The following ITPR1 variants were observed in gnomAD, a reference collection of about 807,000 sequenced individuals.
ITPR1 encodes inositol 1,4,5-trisphosphate receptor type 1.
Under a neutral mutation model 318.4 loss-of-function variants are expected in ITPR1, and 96 were observed. That is an observed-to-expected ratio of 0.30 (90% CI 0.26 to 0.36). The LOEUF (loss-of-function observed/expected upper bound fraction) is 0.36, where lower values mean the gene tolerates loss of function less well. ITPR1 is among the 10% of genes least tolerant of loss of function. The probability of loss-of-function intolerance (pLI) is 1.00; values close to 1 mark genes in which losing one functional copy is unlikely to be tolerated. For missense variants in ITPR1, 2,440 were observed against 3,460.2 expected (o/e 0.71, Z 7.40); for synonymous variants, 1,312 against 1,289.9 (o/e 1.02, Z -0.37).
chr3:4,555,023 C>T (rs143670148), intron 4 of ITPR1, among the ~76,000 whole-genome samples: 24 of 152,188 alleles, frequency 1.6e-4, no homozygotes, highest in Non-Finnish European at 2.6e-4. Flanking sequence ...GAACTGTACC[C>T]GCGGAATGTG....
intron 60 of ITPR1, among the ~76,000 whole-genome samples, chr3:4,835,995 C>T (rs1250070466): frequency 6.6e-6 from 1 of 152,156 alleles, no homozygotes; most frequent in Non-Finnish European, 1.5e-5. Flanking sequence ...TCTATAAGCT[C>T]ATAAACGGGG....
intron 34 of ITPR1, 104 bp downstream of exon 34, chr3:4,697,376 G>T: frequency 9.4e-7 from 1 of 1,063,178 alleles, no homozygotes; most frequent in Non-Finnish European, 1.3e-6. Context: ...CACACATGAA[G>T]AAAACAGCTG....
At position 4,806,326 on chromosome 3, in the gene ITPR1, C is replaced by T. The variant is rs114241298; in HGVS notation, c.7272+59C>T. 5.2e-4 allele frequency: 775 copies of T among 1,476,948 alleles called. 6 individuals carry two copies. In the African/African-American group the frequency reaches 9.4e-3, roughly 18 times the overall value. 91.5% of individuals were successfully genotyped at this position (1,476,948 alleles called of 1,614,324 possible). A position where few individuals can be genotyped will look rare whatever the true frequency, so the allele number is the denominator to read the frequency against. On this transcript the variant is annotated intron_variant, in intron 55 of 61. Coordinates refer to ENST00000649015, the MANE Select transcript of ITPR1 (RefSeq NM_001378452.1). ...GGGAAACTAGGAGAGTGTCCTATGTCCTCTCTCTCATCACAGACCCTTCCT... is the reference window on the plus strand; with the variant it reads ...GGGAAACTAGGAGAGTGTCCTATGTTCTCTCTCTCATCACAGACCCTTCCT...
At chr3:4,525,469 T>C (rs2082904287) in intron 4 of ITPR1, among the ~76,000 whole-genome samples, 1 of 152,174 alleles carries the variant, frequency 6.6e-6, no homozygotes, top group African/African-American at 2.4e-5. Flanking sequence ...TGTGTGTGAT[T>C]TCCTTGAATG....
intron 4 of ITPR1, among the ~76,000 whole-genome samples, chr3:4,590,005 T>C (rs1020882582): frequency 1.3e-5 from 2 of 152,116 alleles, no homozygotes; most frequent in African/African-American, 4.8e-5. Context: ...CCAGAGCCTT[T>C]GTGCTTAATG....
At chr3:4,706,139 G>A (rs1171058205) in intron 36 of ITPR1, 28 bp from the exon 37 acceptor site, 19 of 1,613,572 alleles carry the variant, frequency 1.2e-5, no homozygotes, top group Non-Finnish European at 1.5e-5. Context: ...AAAGTTGTAG[G>A]CTCACGACTC....
chr3:4,821,840 G>A (rs1036173919), intron 60 of ITPR1, among the ~76,000 whole-genome samples: 1 of 152,054 alleles, frequency 6.6e-6, no homozygotes, highest in African/African-American at 2.4e-5. Context: ...AAGAAGCTCT[G>A]TCTTAAGTTG....
rs562206616 is a variant in ITPR1 at position 4,534,090 on chromosome 3, A to G, written c.163+12996A>G. ...GGGCTTTGAGGACAGTTGCATTTGC[A>G]GAAGGAATGTCCAGAGGCTACTTCT... On this transcript the variant is annotated intron_variant, in intron 4 of 61. Coordinates refer to ENST00000649015, the MANE Select transcript of ITPR1 (RefSeq NM_001378452.1). Among the ~76,000 whole-genome samples the G allele has an allele frequency of 9.2e-5, 14 of 152,338 alleles. No individual in the cohort carries two copies. In the East Asian group the frequency reaches 2.3e-3, roughly 25 times the overall value.
At chr3:4,562,713 G>A (rs1362674541) in intron 4 of ITPR1, among the ~76,000 whole-genome samples, 2 of 133,734 alleles carry the variant, frequency 1.5e-5, no homozygotes, top group East Asian at 2.2e-4. Context: ...CACCTTTGAA[G>A]GTGGTACGCA....
At chr3:4,638,565 CA>C (rs1382760323) in intron 5 of ITPR1, among the ~76,000 whole-genome samples, 1 of 152,086 alleles carries the variant, frequency 6.6e-6, no homozygotes, top group African/African-American at 2.4e-5. Context: ...ACAGTTAATC[CA>C]AATGTGGATT....
At chr3:4,604,006 T>G (rs1237630369) in intron 4 of ITPR1, among the ~76,000 whole-genome samples, 1 of 152,224 alleles carries the variant, frequency 6.6e-6, no homozygotes, top group African/African-American at 2.4e-5. Context: ...CTTTTTAAAT[T>G]TTTTAATAGC....
At chr3:4,594,359 T>C (rs971138355) in intron 4 of ITPR1, among the ~76,000 whole-genome samples, 5 of 152,200 alleles carry the variant, frequency 3.3e-5, no homozygotes, top group African/African-American at 1.2e-4. Context: ...TTTACCTCCT[T>C]ACAGGTTTAT....
At chr3:4,760,351 T>A (rs1378880248) in intron 44 of ITPR1, among the ~76,000 whole-genome samples, 4 of 152,208 alleles carry the variant, frequency 2.6e-5, no homozygotes, top group Admixed American at 2.0e-4. Flanking sequence ...AGAGGCAGCC[T>A]CAGAAGGTGG....
At chr3:4,652,070 G>T in intron 10 of ITPR1, 53 bp from the exon 11 acceptor site, 1 of 1,338,466 alleles carries the variant, frequency 7.5e-7, no homozygotes. Flanking sequence ...CCGATTTAAT[G>T]TCTTCCTAGT....
At chr3:4,544,424 G>A (rs114356940) in intron 4 of ITPR1, among the ~76,000 whole-genome samples, 8 of 152,322 alleles carry the variant, frequency 5.3e-5, no homozygotes, top group Admixed American at 1.3e-4. Context: ...GCAACCATAC[G>A]TATTCACCTG....
chr3:4,837,440 T>C (rs981448016), intron 61 of ITPR1, among the ~76,000 whole-genome samples: 1 of 152,098 alleles, frequency 6.6e-6, no homozygotes, highest in Admixed American at 6.5e-5. Context: ...GTGGCTATCA[T>C]AGTACAGGAA....
At chr3:4,561,532 G>T (rs1575536680) in intron 4 of ITPR1, among the ~76,000 whole-genome samples, 2 of 152,084 alleles carry the variant, frequency 1.3e-5, no homozygotes, top group South Asian at 4.1e-4. Context: ...ACATTTCTAG[G>T]TTCAAACTTA....
At position 4,782,749 on chromosome 3, in the gene ITPR1, C is replaced by CCTG; in HGVS notation, c.6510+8_6510+9insCTG. 6.8e-7 allele frequency: 1 copy of CCTG among 1,481,072 alleles called. No homozygotes were observed. The highest frequency in any genetic ancestry group is 9.0e-7 in the Non-Finnish European group (1 of 1,109,238). The allele number at this position is 1,481,072 out of a possible 1,614,324, so 91.7% of individuals were successfully genotyped here. A position where few individuals can be genotyped will look rare whatever the true frequency, so the allele number is the denominator to read the frequency against. On this transcript the variant is annotated intron_variant, in intron 50 of 61. Transcript: ENST00000649015. ...TACATATTAGCCCATCAGGTATGATCTCTCCTGTGCCTCCTCTGGATGCTG... is the reference window on the plus strand; with the variant it reads ...TACATATTAGCCCATCAGGTATGATCCTGTCTCCTGTGCCTCCTCTGGATGCTG...
chr3:4,709,792 C>T (rs1166884647), intron 37 of ITPR1, among the ~76,000 whole-genome samples: 1 of 152,086 alleles, frequency 6.6e-6, no homozygotes, highest in African/African-American at 2.4e-5. Context: ...GTTTGTATGA[C>T]TTTATTATGT....
Sources: gnomAD v4.1 joint callset for allele counts (sites outside exome capture counted in the v4.1 genomes callset) on GRCh38, gnomAD v4.1.1 for gene constraint, MANE v1.5 for transcripts, NCBI Gene and HGNC (gene_info 2026-07-23, HGNC 2026-07-21) for gene names.